CDA: variants seen among roughly 807,000 people sequenced by gnomAD.
CDA encodes cytidine aminohydrolase.
A neutral mutation model predicts 15.0 loss-of-function variants in CDA; 7 were observed. The ratio of observed to expected loss-of-function variants is 0.47; its 90% CI spans 0.26 to 0.87. The LOEUF (loss-of-function observed/expected upper bound fraction) is 0.87. Ranked by LOEUF, CDA falls within the 40% of genes least tolerant of loss-of-function variation. The pLI is 0.15. For synonymous variants in CDA, 58 were observed against 73.0 expected, an observed-to-expected ratio of 0.79 and a Z score of 1.05; for missense variants, 159 against 182.7, an observed-to-expected ratio of 0.87 and a Z score of 0.75.
Position 20,609,481 on chromosome 1 carries a change from G to A in CDA, c.267-4361G>A, listed in dbSNP as rs140798169. ...AGCCTGGGCGACAGAGCGAGACTCCGTCTCAAAAAAAAAAAGATTCAGAAA... is the reference window on the plus strand; with the variant it reads ...AGCCTGGGCGACAGAGCGAGACTCCATCTCAAAAAAAAAAAGATTCAGAAA... On this transcript the variant is annotated intron_variant, in intron 2 of 3. Coordinates refer to ENST00000375071, the MANE Select transcript of CDA (RefSeq NM_001785.3). 1.2e-3 allele frequency among the ~76,000 whole-genome samples: 180 copies of A among 151,872 alleles called. 6 individuals are homozygous for A. The East Asian group carries it at 0.032, about 27-fold the overall frequency.
chr1:20,618,179 G>A (rs1316699079), intron 3 of CDA, among the ~76,000 whole-genome samples: 1 of 145,714 alleles, frequency 6.9e-6, no homozygotes, highest in Non-Finnish European at 1.5e-5. Context: ...AGGTTCCAGG[G>A]GTTAGCTGTT....
chr1:20,592,047 G>A (rs1240102431), intron 1 of CDA, among the ~76,000 whole-genome samples: 1 of 151,942 alleles, frequency 6.6e-6, no homozygotes, highest in Admixed American at 6.6e-5. Flanking sequence ...TCATCATGTT[G>A]GCTAATCTGG....
At chr1:20,616,878 G>A (rs890423771) in intron 3 of CDA, among the ~76,000 whole-genome samples, 5 of 152,130 alleles carry the variant, frequency 3.3e-5, no homozygotes, top group African/African-American at 7.2e-5. Context: ...GAGTGTGCCC[G>A]GGAATAACTT....
At chr1:20,618,313 G>T (rs1406199772) in intron 3 of CDA, 139 bp from the exon 4 acceptor site, 4 of 684,896 alleles carry the variant, frequency 5.8e-6, no homozygotes, top group Non-Finnish European at 5.4e-6. Context: ...GTACAATTAT[G>T]GTCATTCCCC....
At chr1:20,592,460 C>T (rs2052558025) in intron 1 of CDA, among the ~76,000 whole-genome samples, 1 of 152,070 alleles carries the variant, frequency 6.6e-6, no homozygotes, top group African/African-American at 2.4e-5. Flanking sequence ...TTTTGGAGGC[C>T]AAACAGAGAC....
At chr1:20,599,809 C>G (rs1462821156) in intron 1 of CDA, among the ~76,000 whole-genome samples, 1 of 152,200 alleles carries the variant, frequency 6.6e-6, no homozygotes. Flanking sequence ...CAGCTAACAG[C>G]TGCCGACCAT....
At chr1:20,590,114 T>C (rs1002036671) in intron 1 of CDA, among the ~76,000 whole-genome samples, 36 of 152,216 alleles carry the variant, frequency 2.4e-4, no homozygotes, top group Admixed American at 1.6e-3. Context: ...CCCTTGGTAT[T>C]ATTCCCTGTC....
At chr1:20,602,624 A>G (rs1203809235) in intron 1 of CDA, among the ~76,000 whole-genome samples, 2 of 151,972 alleles carry the variant, frequency 1.3e-5, no homozygotes, top group Non-Finnish European at 2.9e-5. Context: ...GTTTCACCAT[A>G]TTGGCCAGGC....
chr1:20,603,205 T>G (rs1438220484), intron 1 of CDA, among the ~76,000 whole-genome samples: 1 of 152,196 alleles, frequency 6.6e-6, no homozygotes, highest in South Asian at 2.1e-4. Context: ...TCAAGTTGCA[T>G]CTCACCTTCA....
intron 1 of CDA, among the ~76,000 whole-genome samples, chr1:20,591,081 T>C (rs1436382605): frequency 6.6e-6 from 1 of 152,192 alleles, no homozygotes; most frequent in Non-Finnish European, 1.5e-5. Context: ...GGCTCACGCC[T>C]GTAACCCCAG....
At chr1:20,611,546 AATTT>A (rs1402954996) in intron 2 of CDA, among the ~76,000 whole-genome samples, 1 of 152,042 alleles carries the variant, frequency 6.6e-6, no homozygotes, top group Non-Finnish European at 1.5e-5. Flanking sequence ...ACACCCAGCT[AATTT>A]TTGTATTTTT....
intron 1 of CDA, among the ~76,000 whole-genome samples, chr1:20,597,098 C>A (rs1211950138): frequency 2.0e-5 from 3 of 152,052 alleles, no homozygotes; most frequent in Non-Finnish European, 2.9e-5. Context: ...CGCAGCCCTG[C>A]CTTAAGCACC....
At chr1:20,609,817 A>G (rs1242889591) in intron 2 of CDA, among the ~76,000 whole-genome samples, 2 of 152,180 alleles carry the variant, frequency 1.3e-5, no homozygotes, top group African/African-American at 4.8e-5. Context: ...TAATTCCAAG[A>G]GTTCACTCGG....
chr1:20,590,939 C>G (rs2052542073), intron 1 of CDA, among the ~76,000 whole-genome samples: 1 of 152,192 alleles, frequency 6.6e-6, no homozygotes, highest in Admixed American at 6.5e-5. Flanking sequence ...TGCTTTCCAG[C>G]ACTGGAACTG....
chr1:20,617,346 A>G (rs990197769), intron 3 of CDA, among the ~76,000 whole-genome samples: 3 of 152,220 alleles, frequency 2.0e-5, no homozygotes, highest in Admixed American at 6.5e-5. Context: ...CTCACAGGGT[A>G]GATTATGAAA....
rs560524715 is a variant in CDA, at chr1:20,607,768, C to T, written c.266+2729C>T. On this transcript the variant is annotated intron_variant, in intron 2 of 3. Coordinates refer to ENST00000375071, the MANE Select transcript of CDA (RefSeq NM_001785.3). Reference sequence around the variant, plus strand: ...AGCCCAAGATGCACTCATTATCGCACTCATGATTTGTTAAATTGAGAGCGT... The same window carrying T: ...AGCCCAAGATGCACTCATTATCGCATTCATGATTTGTTAAATTGAGAGCGT... Among the ~76,000 whole-genome samples the T allele has an allele frequency of 2.6e-5, 4 of 152,328 alleles. No individual in the cohort carries two copies. The South Asian group carries it at 8.3e-4, about 32-fold the overall frequency.
At chr1:20,597,307 G>A (rs543827242) in intron 1 of CDA, among the ~76,000 whole-genome samples, 112 of 152,284 alleles carry the variant, frequency 7.4e-4, no homozygotes, top group Non-Finnish European at 6.8e-4. Flanking sequence ...AAAATTAGCC[G>A]GGTGTGGTAT....
intron 2 of CDA, among the ~76,000 whole-genome samples, chr1:20,610,867 A>G (rs1003387685): frequency 6.6e-6 from 1 of 152,240 alleles, no homozygotes; most frequent in Non-Finnish European, 1.5e-5. Flanking sequence ...CAGCAAATAA[A>G]TGAGACTTGG....
At chr1:20,591,001 GC>G (rs2052543792) in intron 1 of CDA, among the ~76,000 whole-genome samples, 1 of 152,168 alleles carries the variant, frequency 6.6e-6, no homozygotes, top group African/African-American at 2.4e-5. Flanking sequence ...TGCCTCCAGA[GC>G]CAGGGGACCC....
Sources: allele counts gnomAD v4.1 joint callset (sites outside exome capture counted in the v4.1 genomes callset), GRCh38; gene constraint gnomAD v4.1.1; transcripts MANE v1.5; gene names NCBI Gene and HGNC (gene_info 2026-07-23, HGNC 2026-07-21).